The following UBE2O variants were observed in gnomAD, a reference collection of about 807,000 sequenced individuals.
UBE2O encodes (E3-independent) E2 ubiquitin-conjugating enzyme.
UBE2O carries 15 observed loss-of-function variants against 125.8 expected under a neutral mutation model. The ratio of observed to expected loss-of-function variants is 0.12; its 90% CI spans 0.08 to 0.18. UBE2O has a LOEUF of 0.18. UBE2O is among the 10% of genes least tolerant of loss of function. The pLI, the probability that UBE2O is intolerant of heterozygous loss-of-function variation, is 1.00. For synonymous variants in UBE2O, 708 were observed against 703.2 expected (o/e 1.01, Z -0.11); for missense variants, 1,280 against 1,723.6 (o/e 0.74, Z 4.56).
chr17:76,414,726 G>C (rs2072571429), intron 1 of UBE2O, among the ~76,000 whole-genome samples: 1 of 152,234 alleles, frequency 6.6e-6, no homozygotes, highest in Non-Finnish European at 1.5e-5. Context: ...GAGGGGGAAG[G>C]ACTGCAGAGC....
At chr17:76,421,373 C>CT (rs999115274) in intron 1 of UBE2O, among the ~76,000 whole-genome samples, 185 of 147,236 alleles carry the variant, frequency 1.3e-3, no homozygotes, top group African/African-American at 3.6e-3. Context: ...TTTCTTTTGT[C>CT]TTTTTTTTTT....
At chr17:76,420,087 G>A (rs755970380) in intron 1 of UBE2O, among the ~76,000 whole-genome samples, 4 of 152,122 alleles carry the variant, frequency 2.6e-5, no homozygotes, top group Admixed American at 6.5e-5. Context: ...CCTACCCAGC[G>A]CAGCAGTGGC....
Position 76,399,659 on chromosome 17 carries a change from A to G in UBE2O, c.1418T>C (p.Leu473Pro), listed in dbSNP as rs1350946870. 2 of 1,614,134 alleles carry G rather than the reference A, an allele frequency of 1.2e-6. No individual in the cohort carries two copies. The highest frequency in any genetic ancestry group is 1.3e-5 in the African/African-American group (1 of 75,022). Residue 473 changes from leucine to proline, a missense_variant, in exon 9 of 18, where the codon CTG becomes CCG. Physicochemically the swap from Leu to Pro is moderately conservative, Grantham distance 98. Transcript: ENST00000319380. This position sits in a 1 kb window ranked among gnomAD's most constrained non-coding sequence, Gnocchi z 6.9. ...ATCTGCGTCCTGCTCTGCCGAGTGC[A>G]GCCTGTCATCTCTGCCTTCTTTTAG... is the stretch of plus-strand genomic sequence containing the variant. ...FLLKEGRDDR[L>P]HSAEQDADDE...
At position 76,452,412 on chromosome 17, in the gene UBE2O, G is replaced by A. The variant is rs972812297; in HGVS notation, c.417+313C>T. On this transcript the variant is annotated intron_variant, in intron 1 of 17. Transcript: ENST00000319380. This position sits in a 1 kb window ranked among gnomAD's most constrained non-coding sequence, Gnocchi z 4.4. The stretch of plus-strand genomic sequence containing the variant: ...TAACGCCGAACGCGCCCCAGAACCT[G>A]AGTCCCCACGGGAGTCGGTCCACGT... 6.6e-6 allele frequency among the ~76,000 whole-genome samples: 1 copy of A among 152,122 alleles called. No homozygotes were observed. The highest frequency in any genetic ancestry group is 2.1e-4 in the South Asian group (1 of 4,824).
intron 1 of UBE2O, among the ~76,000 whole-genome samples, chr17:76,421,228 A>G (rs1345219841): frequency 6.6e-6 from 1 of 152,174 alleles, no homozygotes; most frequent in Non-Finnish European, 1.5e-5. Flanking sequence ...GTAGGGAAAC[A>G]CTGCAGAAAG....
At chr17:76,394,930 C>A (rs917679674) in intron 15 of UBE2O, among the ~76,000 whole-genome samples, 5 of 151,438 alleles carry the variant, frequency 3.3e-5, no homozygotes, top group African/African-American at 1.2e-4. Context: ...GGCTGGAGTG[C>A]AATGGTGCGA....
At chr17:76,431,296 G>A (rs966986768) in intron 1 of UBE2O, among the ~76,000 whole-genome samples, 1 of 152,100 alleles carries the variant, frequency 6.6e-6, no homozygotes, top group African/African-American at 2.4e-5. Flanking sequence ...TAGATCACTT[G>A]CAGTCAGGAG....
At chr17:76,401,740 G>A (rs1449665525) in intron 5 of UBE2O, 1 of 202,388 alleles carries the variant, frequency 4.9e-6, no homozygotes, top group Non-Finnish European at 9.9e-6. Context: ...GACGGGTGTG[G>A]TGGCACACGC....
rs1157424344 is a variant in UBE2O at position 76,398,873 on chromosome 17, CGTT to C, written c.1744_1746del (p.Asn582del). Reference sequence around the variant, plus strand: ...ACCACGAAGTCTCCAGGGCAGAACTCGTTGTTGTCCAGGTGGTGCACAGGGAAG... The same window carrying C: ...ACCACGAAGTCTCCAGGGCAGAACTCGTTGTCCAGGTGGTGCACAGGGAAG... On this transcript the variant is annotated inframe_deletion, in exon 10 of 18. Coordinates refer to ENST00000319380, the MANE Select transcript of UBE2O (RefSeq NM_022066.4). The surrounding 1 kb of genome is among the most constrained non-coding windows in gnomAD (Gnocchi z 5.4). 6.2e-7 allele frequency: 1 copy of C among 1,614,132 alleles called. No homozygotes were observed. The highest frequency in any genetic ancestry group is 2.2e-5 in the East Asian group (1 of 44,886).
At position 76,397,848 on chromosome 17, in the gene UBE2O, T is replaced by TTGC; in HGVS notation, c.2063_2065dup (p.Ser688dup). On this transcript the variant is annotated inframe_insertion, in exon 13 of 18. Coordinates refer to ENST00000319380, the MANE Select transcript of UBE2O (RefSeq NM_022066.4). ...GTTGTCAGCCCACACCACCTCCACC[T>TTGC]TGCTGCTGACGTCCACACGGGCCAC... The TTGC allele has an allele frequency of 6.2e-7, 1 of 1,614,164 alleles. No homozygotes were observed. Among genetic ancestry groups the TTGC allele is most frequent in the Non-Finnish European group, 8.5e-7 (1 of 1,180,026 alleles).
intron 1 of UBE2O, among the ~76,000 whole-genome samples, chr17:76,423,657 C>A (rs2072746679): frequency 6.6e-6 from 1 of 150,840 alleles, no homozygotes; most frequent in Admixed American, 6.6e-5. Flanking sequence ...CACAACACTG[C>A]ACTCCAGCCT....
intron 1 of UBE2O, among the ~76,000 whole-genome samples, chr17:76,417,086 G>A (rs2072629695): frequency 6.6e-6 from 1 of 152,232 alleles, no homozygotes; most frequent in Non-Finnish European, 1.5e-5. Context: ...GCCTCATCAG[G>A]GGGTTGGGCA....
At chr17:76,394,076 T>C (rs2072162210) in intron 15 of UBE2O, among the ~76,000 whole-genome samples, 1 of 152,202 alleles carries the variant, frequency 6.6e-6, no homozygotes, top group Admixed American at 6.5e-5. Context: ...AAAAGCGTTA[T>C]TAAGAATCTC....
chr17:76,449,081 T>C (rs2073193863), intron 1 of UBE2O, among the ~76,000 whole-genome samples: 1 of 152,254 alleles, frequency 6.6e-6, no homozygotes, highest in Admixed American at 6.5e-5. Context: ...ACTTACTTTG[T>C]TTCTGTTGCT....
rs774176756 is a variant in UBE2O, at chr17:76,399,802, G to A, written c.1275C>T (p.Ser425=). The A allele has an allele frequency of 9.3e-6, 15 of 1,614,056 alleles. No individual in the cohort carries two copies. The highest frequency in any genetic ancestry group is 6.6e-5 in the South Asian group (6 of 91,092). ...CCTCAGGGCTGGCAGACTCCGCTTC[G>A]CTCTTGGTTTTGGATTCCCCCTTCT... The part of the protein sequence containing the change: ...PDKKGESKTK[S]EAESASPEET... Residue 425 remains serine (S), a synonymous_variant, in exon 9 of 18, where the codon AGC becomes AGT. Transcript: ENST00000319380. The surrounding 1 kb of genome is among the most constrained non-coding windows in gnomAD (Gnocchi z 6.9).
intron 1 of UBE2O, among the ~76,000 whole-genome samples, chr17:76,420,593 T>C (rs1232992642): frequency 6.6e-6 from 1 of 152,098 alleles, no homozygotes; most frequent in Non-Finnish European, 1.5e-5. Flanking sequence ...CAATGATGAT[T>C]CTCCACTCCT....
chr17:76,452,025 T>C lies in UBE2O; in HGVS notation c.417+700A>G, dbSNP rs1471761071. ...GGTGACTCCCCTCTACCCAGGGTTC[T>C]GGATTATTTTTTTCAAGGAGTCCAT... is the stretch of plus-strand genomic sequence containing the variant. On this transcript the variant is annotated intron_variant, in intron 1 of 17. Transcript: ENST00000319380. This position sits in a 1 kb window ranked among gnomAD's most constrained non-coding sequence, Gnocchi z 4.4. 6.6e-6 allele frequency among the ~76,000 whole-genome samples: 1 copy of C among 152,086 alleles called. No individual in the cohort carries two copies. Among genetic ancestry groups the C allele is most frequent in the Non-Finnish European group, 1.5e-5 (1 of 68,030 alleles).
rs1220557408 is a variant in UBE2O at position 76,399,189 on chromosome 17, A to C, written c.1629-198T>G. On this transcript the variant is annotated intron_variant, in intron 9 of 17. Transcript: ENST00000319380. This position sits in a 1 kb window ranked among gnomAD's most constrained non-coding sequence, Gnocchi z 6.9. ...CACGCATTCTCTGAGAACAGGATCC[A>C]CTTGGGAGAGCTCAGGCAAATGTGG... 5 of 788,308 alleles carry C rather than the reference A, an allele frequency of 6.3e-6. No individual in the cohort carries two copies. Among genetic ancestry groups the C allele is most frequent in the Non-Finnish European group, 9.8e-6 (5 of 508,024 alleles). 48.8% of individuals were successfully genotyped at this position (788,308 alleles called of 1,614,324 possible).
chr17:76,399,152 G>C lies in UBE2O; in HGVS notation c.1629-161C>G, dbSNP rs1276607982. Among the ~76,000 whole-genome samples, 2 of 152,216 alleles carry C rather than the reference G, an allele frequency of 1.3e-5. No homozygotes were observed. The highest frequency in any genetic ancestry group is 4.8e-5 in the African/African-American group (2 of 41,452). On this transcript the variant is annotated intron_variant, in intron 9 of 17. Transcript: ENST00000319380. This position sits in a 1 kb window ranked among gnomAD's most constrained non-coding sequence, Gnocchi z 6.9. ...CTCTGGTGCACAGGAAGCTCACCCA[G>C]GGTTCCAAGGCCACGCATTCTCTGA...
Sources: gnomAD v4.1 joint callset for allele counts (sites outside exome capture counted in the v4.1 genomes callset) on GRCh38, gnomAD v4.1.1 for gene constraint, Gnocchi (gnomAD v3.1) non-coding constraint, MANE v1.5 for transcripts, NCBI Gene and HGNC (gene_info 2026-07-23, HGNC 2026-07-21) for gene names.